QRFPR: variants seen among roughly 807,000 people sequenced by gnomAD.
QRFPR encodes pyroglutamylated RFamide peptide receptor.
QRFPR carries 37 observed loss-of-function variants against 31.3 expected under a neutral mutation model. The ratio of observed to expected loss-of-function variants is 1.18; its 90% CI spans 0.91 to 1.56. The LOEUF is 1.56. Ranked by LOEUF, QRFPR falls within the 40% of genes most tolerant of loss-of-function variation. The pLI is 0.00. For synonymous variants in QRFPR, 197 were observed against 192.0 expected (o/e 1.03, Z -0.22); for missense variants, 542 against 532.5 (o/e 1.02, Z -0.18).
chr4:121,337,288 T>A (rs745446250), intron 2 of QRFPR, among the ~76,000 whole-genome samples: 2 of 152,136 alleles, frequency 1.3e-5, no homozygotes, highest in Non-Finnish European at 2.9e-5. Context: ...ATCCCCAGTG[T>A]CTATCTGTGG....
Position 121,332,870 on chromosome 4 carries a change from C to T in QRFPR, c.748G>A (p.Gly250Ser), listed in dbSNP as rs116679707. 4 of 1,613,948 alleles carry T rather than the reference C, an allele frequency of 2.5e-6. No homozygotes were observed. The highest frequency in any genetic ancestry group is 3.3e-5 in the Admixed American group (2 of 59,998). The change falls in exon 4 of 6, where the codon GGT becomes AGT. Residue 250 changes from glycine (G) to serine (S), a missense_variant. Physicochemically the swap from Gly to Ser is moderately conservative, Grantham distance 56 (BLOSUM62 0). Transcript: ENST00000394427. Reference protein sequence around the residue: ...ELWIKKRVGDGSVLRTIHGKE... With the variant: ...ELWIKKRVGDSSVLRTIHGKE... ...CCATGAATAGTTCGAAGCACTGAAC[C>T]ATCCCCAACTCTTTTCTTTATCCAA...
At chr4:121,333,216 A>G (rs1431528032) in intron 3 of QRFPR, among the ~76,000 whole-genome samples, 160 bp from the exon 4 acceptor site, 1 of 152,168 alleles carries the variant, frequency 6.6e-6, no homozygotes, top group Non-Finnish European at 1.5e-5. Context: ...TTTTGTTGTG[A>G]AGCATAGTTT....
intron 1 of QRFPR, chr4:121,369,970 C>A: frequency 1.3e-6 from 1 of 765,042 alleles, no homozygotes; most frequent in East Asian, 2.4e-5. Flanking sequence ...ATCTCTCAGC[C>A]CTGCCTGTTG....
chr4:121,329,615 T>C lies in QRFPR; in HGVS notation c.995A>G (p.Tyr332Cys). 1 of 1,612,628 alleles carries C rather than the reference T, an allele frequency of 6.2e-7. No homozygotes were observed. The highest frequency in any genetic ancestry group is 8.5e-7 in the Non-Finnish European group (1 of 1,179,314). The stretch of plus-strand genomic sequence containing the variant: ...TTTGAAGTTTTCATTCATAAATGCA[T>C]AGACAATGGGATTACAGATGGAGTT... ...FSNSICNPIV[Y>C]AFMNENFKKN... The change falls in exon 6 of 6, where the codon TAT becomes TGT. Residue 332 changes from tyrosine (Y) to cysteine (C), a missense_variant. Physicochemically the swap from Tyr to Cys is radical, Grantham distance 194. Transcript: ENST00000394427.
At position 121,378,718 on chromosome 4, in the gene QRFPR, T is replaced by C. The variant is rs534541496; in HGVS notation, c.340+1590A>G. 5.9e-5 allele frequency among the ~76,000 whole-genome samples: 9 copies of C among 152,270 alleles called. No individual in the cohort carries two copies. In the East Asian group the frequency reaches 1.7e-3, roughly 29 times the overall value. ...GATTACAGGCGTGAGCCACCACGCC[T>C]GGCCAGACTCACTGCACTTTCAAAC... On this transcript the variant is annotated intron_variant, in intron 1 of 5. Transcript: ENST00000394427.
intron 1 of QRFPR, among the ~76,000 whole-genome samples, chr4:121,373,814 C>T (rs1336574570): frequency 6.6e-6 from 1 of 152,220 alleles, no homozygotes; most frequent in African/African-American, 2.4e-5. Flanking sequence ...AGCTCTCAAT[C>T]TCTAAAAACA....
chr4:121,337,711 T>TA (rs1725461142), intron 2 of QRFPR, among the ~76,000 whole-genome samples: 1 of 151,644 alleles, frequency 6.6e-6, no homozygotes, highest in Non-Finnish European at 1.5e-5. Context: ...CCCTAAAACT[T>TA]AAAGTATAAT....
chr4:121,370,265 G>A (rs902173122), intron 1 of QRFPR: 61 of 783,226 alleles, frequency 7.8e-5, no homozygotes, highest in Non-Finnish European at 1.1e-4. Context: ...GTGCCCGGCG[G>A]TATATCCTGA....
intron 1 of QRFPR, among the ~76,000 whole-genome samples, chr4:121,346,395 T>G (rs1279845768): frequency 6.6e-6 from 1 of 152,190 alleles, no homozygotes; most frequent in East Asian, 1.9e-4. Flanking sequence ...GTCTTTATCT[T>G]ATATGCTGTG....
intron 1 of QRFPR, among the ~76,000 whole-genome samples, chr4:121,356,982 C>T (rs113498695): frequency 8.5e-5 from 13 of 152,100 alleles, no homozygotes; most frequent in African/African-American, 2.9e-4. Flanking sequence ...ACCAGGTTTC[C>T]GTTAGCAAAG....
chr4:121,366,431 G>A (rs1726135559), intron 1 of QRFPR, among the ~76,000 whole-genome samples: 1 of 149,942 alleles, frequency 6.7e-6, no homozygotes. Context: ...TAACATTTGT[G>A]TGACATTCAA....
At chr4:121,331,706 G>A (rs1168081371) in intron 4 of QRFPR, among the ~76,000 whole-genome samples, 1 of 151,184 alleles carries the variant, frequency 6.6e-6, no homozygotes, top group Non-Finnish European at 1.5e-5. Context: ...AGACTAGAGT[G>A]CAGTGGCGTG....
chr4:121,365,598 ATATAAT>A lies in QRFPR; in HGVS notation c.340+14704_340+14709del, dbSNP rs1560744038. On this transcript the variant is annotated intron_variant, in intron 1 of 5. Transcript: ENST00000394427. ...AATATATATTATATATATTATATAT[ATATAAT>A]ATATATATTATATATATTATATATT... Among the ~76,000 whole-genome samples, 3 of 6,264 alleles carry A rather than the reference ATATAAT, an allele frequency of 4.8e-4. 1 individual carries two copies. The highest frequency in any genetic ancestry group is 2.0e-3 in the African/African-American group (3 of 1,506). The allele number at this position is 6,264 out of a possible 152,430, so 4.1% of individuals were successfully genotyped here. A position where few individuals can be genotyped will look rare whatever the true frequency, so the allele number is the denominator to read the frequency against.
intron 1 of QRFPR, among the ~76,000 whole-genome samples, chr4:121,358,959 T>G (rs907272783): frequency 1.2e-4 from 18 of 152,246 alleles, no homozygotes; most frequent in African/African-American, 4.3e-4. Context: ...GAGGGATAAA[T>G]GAGGAATAAA....
intron 1 of QRFPR, among the ~76,000 whole-genome samples, chr4:121,347,943 T>G (rs1221699102): frequency 6.6e-6 from 1 of 152,192 alleles, no homozygotes; most frequent in African/African-American, 2.4e-5. Flanking sequence ...TATTTATGTC[T>G]CTAAAGCATA....
rs1726097678 is a variant in QRFPR, at chr4:121,365,565, TTATATATAA to T, written c.340+14734_340+14742del. ...TATTATATATAATATATAATATATATTATATATAATATATATTATATATATTATATATAT... is the reference window on the plus strand; with the variant it reads ...TATTATATATAATATATAATATATATTATATATTATATATATTATATATAT... On this transcript the variant is annotated intron_variant, in intron 1 of 5. Transcript: ENST00000394427. 3.6e-4 allele frequency among the ~76,000 whole-genome samples: 6 copies of T among 16,670 alleles called. 1 individual carries two copies. Among genetic ancestry groups the T allele is most frequent in the South Asian group, 2.4e-3 (1 of 414 alleles). The allele number at this position is 16,670 out of a possible 152,430, so 10.9% of individuals were successfully genotyped here.
intron 1 of QRFPR, among the ~76,000 whole-genome samples, chr4:121,348,101 T>C (rs1725692316): frequency 6.6e-6 from 1 of 152,170 alleles, no homozygotes; most frequent in Admixed American, 6.5e-5. Context: ...GTTTAGAGTA[T>C]AGGCTCTAGA....
At chr4:121,367,556 AC>A (rs1268868476) in intron 1 of QRFPR, among the ~76,000 whole-genome samples, 1 of 150,448 alleles carries the variant, frequency 6.6e-6, no homozygotes, top group African/African-American at 2.5e-5. Flanking sequence ...AAAAGTACAC[AC>A]CAAATATATT....
intron 1 of QRFPR, among the ~76,000 whole-genome samples, chr4:121,379,271 T>C (rs554375322): frequency 6.6e-6 from 1 of 152,346 alleles, no homozygotes; most frequent in East Asian, 1.9e-4. Context: ...AAAAAAGCAA[T>C]GCTCACGATC....
Sources: gnomAD v4.1 joint callset for allele counts (sites outside exome capture counted in the v4.1 genomes callset) on GRCh38, gnomAD v4.1.1 for gene constraint, MANE v1.5 for transcripts, NCBI Gene and HGNC (gene_info 2026-07-23, HGNC 2026-07-21) for gene names.